FNDC3B: variants seen among roughly 807,000 people sequenced by gnomAD.
FNDC3B encodes the protein fibronectin type III domain-containing protein 3B.
Under a neutral mutation model 151.5 loss-of-function variants are expected in FNDC3B, and 12 were observed. The ratio of observed to expected loss-of-function variants is 0.08; its 90% CI spans 0.05 to 0.13. The LOEUF is 0.13. FNDC3B is among the 10% of genes least tolerant of loss of function. The pLI is 1.00. For missense variants in FNDC3B, 1,214 were observed against 1,505.3 expected (o/e 0.81, Z 3.20); for synonymous variants, 528 against 549.0 (o/e 0.96, Z 0.54).
chr3:172,048,622 C>T (rs2108454987), intron 1 of FNDC3B, among the ~76,000 whole-genome samples: 1 of 152,234 alleles, frequency 6.6e-6, no homozygotes, highest in Non-Finnish European at 1.5e-5. Flanking sequence ...CAAAAGAAAG[C>T]AGGGACTCAG....
At chr3:172,103,042 A>G (rs1303163819) in intron 1 of FNDC3B, among the ~76,000 whole-genome samples, 8 of 152,242 alleles carry the variant, frequency 5.3e-5, no homozygotes, top group African/African-American at 1.9e-4. Context: ...AGGGTGTGAG[A>G]TGTATTGTGA....
chr3:172,177,975 T>C (rs995562859), intron 3 of FNDC3B, among the ~76,000 whole-genome samples: 1 of 152,092 alleles, frequency 6.6e-6, no homozygotes, highest in African/African-American at 2.4e-5. Context: ...CCTCTGTTAG[T>C]TTGCTGAGGA....
rs12897 is a variant in FNDC3B, at chr3:172,398,112, G to A, written c.*637G>A. The A allele has an allele frequency of 0.47, 71,973 of 152,532 alleles. 19,910 individuals are homozygous for A. Among genetic ancestry groups the A allele is most frequent in the Non-Finnish European group, 0.62 (42,393 of 67,986 alleles). The allele number at this position is 152,532 out of a possible 1,614,324, so 9.4% of individuals were successfully genotyped here. A position where few individuals can be genotyped will look rare whatever the true frequency, so the allele number is the denominator to read the frequency against. On this transcript the variant is annotated 3_prime_UTR_variant, in exon 26 of 26. Transcript: ENST00000415807. The stretch of plus-strand genomic sequence containing the variant: ...ATAATTTTAACACTATGAGCTGCCT[G>A]TATAAGAAATCAAGTAACCAGAATG...
chr3:172,129,988 G>A (rs1559979742), intron 2 of FNDC3B, among the ~76,000 whole-genome samples: 1 of 151,862 alleles, frequency 6.6e-6, no homozygotes, highest in Non-Finnish European at 1.5e-5. Flanking sequence ...TTTGTGGTTG[G>A]GGAGAGGGAG....
At chr3:172,051,150 C>G (rs1317456149) in intron 1 of FNDC3B, among the ~76,000 whole-genome samples, 1 of 147,352 alleles carries the variant, frequency 6.8e-6, no homozygotes, top group Admixed American at 6.9e-5. Flanking sequence ...ATGGCGCGAT[C>G]TCGGCTCACC....
intron 14 of FNDC3B, 27 bp downstream of exon 14, chr3:172,333,202 C>G (rs148713803): frequency 7.3e-7 from 1 of 1,370,302 alleles, no homozygotes; most frequent in East Asian, 2.3e-5. Flanking sequence ...GCTACCTGAA[C>G]TGCTTAAAAA....
At chr3:172,344,306 G>A in intron 19 of FNDC3B, 48 bp downstream of exon 19, 2 of 1,533,576 alleles carry the variant, frequency 1.3e-6, no homozygotes, top group South Asian at 1.2e-5. Flanking sequence ...TGCATAATCA[G>A]AACCCAAAGT....
At chr3:172,394,822 CATAGATGT>C (rs1736196105) in intron 25 of FNDC3B, among the ~76,000 whole-genome samples, 1 of 152,080 alleles carries the variant, frequency 6.6e-6, no homozygotes, top group African/African-American at 2.4e-5. Context: ...CCTTTATGAA[CATAGATGT>C]AAAAATCCCC....
At chr3:172,138,375 T>C in intron 3 of FNDC3B, among the ~76,000 whole-genome samples, 1 of 152,218 alleles carries the variant, frequency 6.6e-6, no homozygotes, top group Non-Finnish European at 1.5e-5. Flanking sequence ...TCAAGCATGA[T>C]GATTTTTCTT....
At chr3:172,348,827 A>T (rs1157741121) in intron 21 of FNDC3B, among the ~76,000 whole-genome samples, 2 of 152,332 alleles carry the variant, frequency 1.3e-5, no homozygotes, top group East Asian at 3.9e-4. Flanking sequence ...TGAAGGGAGT[A>T]CTACTTTTAA....
rs141922908 is a variant in FNDC3B at position 172,390,922 on chromosome 3, A to G, written c.3304-6242A>G. ...GGTGGGATGATTTAGAAGGTCTTTC[A>G]TGGAAATACCAGAGAGTTAGCAGCG... On this transcript the variant is annotated intron_variant, in intron 25 of 25. Transcript: ENST00000415807. Among the ~76,000 whole-genome samples, 1,006 of 152,292 alleles carry G rather than the reference A, an allele frequency of 6.6e-3. 11 individuals carry two copies. Among genetic ancestry groups the G allele is most frequent in the African/African-American group, 0.023 (961 of 41,550 alleles).
At chr3:172,367,239 C>T (rs1734674260) in intron 23 of FNDC3B, among the ~76,000 whole-genome samples, 1 of 151,528 alleles carries the variant, frequency 6.6e-6, no homozygotes, top group African/African-American at 2.4e-5. Context: ...GAACTAAGTT[C>T]ATTTCAATGA....
intron 3 of FNDC3B, among the ~76,000 whole-genome samples, chr3:172,217,891 C>T (rs1208457835): frequency 2.6e-5 from 4 of 152,048 alleles, no homozygotes; most frequent in Non-Finnish European, 4.4e-5. Context: ...TGTTCACTAA[C>T]GCTGGCCTTG....
intron 6 of FNDC3B, among the ~76,000 whole-genome samples, chr3:172,274,071 T>A (rs987237536): frequency 3.1e-4 from 47 of 152,190 alleles, no homozygotes; most frequent in African/African-American, 1.1e-3. Context: ...AGTGTTCCAT[T>A]TCTATACGTG....
intron 25 of FNDC3B, 132 bp downstream of exon 25, chr3:172,381,225 A>G (rs933808549): frequency 2.1e-6 from 2 of 943,752 alleles, no homozygotes; most frequent in Non-Finnish European, 3.1e-6. Flanking sequence ...ACTTGTACTT[A>G]TTGTATAATT....
At chr3:172,146,359 A>G (rs1721907163) in intron 3 of FNDC3B, among the ~76,000 whole-genome samples, 1 of 152,206 alleles carries the variant, frequency 6.6e-6, no homozygotes, top group Non-Finnish European at 1.5e-5. Context: ...ACAGTGGCTT[A>G]TATCCTTTTG....
intron 4 of FNDC3B, among the ~76,000 whole-genome samples, chr3:172,231,085 T>TAATATAATATCTTC (rs1726864469): frequency 6.6e-6 from 1 of 152,202 alleles, no homozygotes; most frequent in Non-Finnish European, 1.5e-5. Flanking sequence ...TAGGTAAATG[T>TAATATAATATCTTC]AATATAATAT....
At chr3:172,223,020 G>A (rs1450528221) in intron 3 of FNDC3B, among the ~76,000 whole-genome samples, 1 of 152,194 alleles carries the variant, frequency 6.6e-6, no homozygotes, top group Non-Finnish European at 1.5e-5. Flanking sequence ...GAATAATAAA[G>A]CGGCTCTCCA....
intron 25 of FNDC3B, 50 bp downstream of exon 25, chr3:172,381,143 A>T: frequency 1.2e-6 from 2 of 1,603,712 alleles, no homozygotes; most frequent in Non-Finnish European, 1.7e-6. Context: ...GGCTGGCTCC[A>T]TGCCTCTGCT....
Sources: allele counts gnomAD v4.1 joint callset (sites outside exome capture counted in the v4.1 genomes callset), GRCh38; gene constraint gnomAD v4.1.1; transcripts MANE v1.5; gene names NCBI Gene and HGNC (gene_info 2026-07-23, HGNC 2026-07-21).